The following LRPPRC variants were observed in gnomAD, a reference collection of about 807,000 sequenced individuals.
The protein encoded by LRPPRC is leucine rich pentatricopeptide repeat containing, also known as leucine-rich PPR motif-containing protein, mitochondrial.
In LRPPRC, 120 loss-of-function variants were observed where a neutral mutation model predicts 180.3. The observed-to-expected ratio is 0.67, with a 90% CI of 0.57 to 0.77. The LOEUF (loss-of-function observed/expected upper bound fraction) is 0.77. LRPPRC is among the 30% of genes least tolerant of loss of function. The probability of loss-of-function intolerance (pLI) is 0.00; values close to 1 mark genes in which losing one functional copy is unlikely to be tolerated. For missense variants in LRPPRC, 2,012 were observed against 1,657.2 expected (o/e 1.21, Z -3.72); for synonymous variants, 723 against 600.0 (o/e 1.21, Z -3.00).
At chr2:43,985,454 C>A (rs543788639) in intron 1 of LRPPRC, among the ~76,000 whole-genome samples, 1 of 152,138 alleles carries the variant, frequency 6.6e-6, no homozygotes, top group East Asian at 1.9e-4. Flanking sequence ...AATAATTTCA[C>A]CACCCTAAAA....
chr2:43,894,470 T>G, intron 36 of LRPPRC, 75 bp downstream of exon 36: 1 of 779,878 alleles, frequency 1.3e-6, no homozygotes. Context: ...ATACTACAAG[T>G]CATTTACATG....
chr2:43,973,810 G>C lies in LRPPRC; in HGVS notation c.1246C>G (p.Leu416Val), dbSNP rs1023589803. 1 of 1,613,232 alleles carries C rather than the reference G, an allele frequency of 6.2e-7. No individual in the cohort carries two copies. The highest frequency in any genetic ancestry group is 1.3e-5 in the African/African-American group (1 of 74,918). Reference sequence around the variant, plus strand: ...AATGTAGTACCAGTTTTATTGGCGAGTAAAGCACAATGGAGGGTGAACTGC... The same window carrying C: ...AATGTAGTACCAGTTTTATTGGCGACTAAAGCACAATGGAGGGTGAACTGC... ...PLQFTLHCAL[L>V]ANKTDLAKAL... The change falls in exon 10 of 38, where the codon CTC becomes GTC. Residue 416 changes from leucine to valine, a missense_variant. By Grantham distance (32) the Leu-to-Val change is conservative. Coordinates refer to ENST00000260665, the MANE Select transcript of LRPPRC (RefSeq NM_133259.4).
chr2:43,947,113 G>C, intron 20 of LRPPRC, 144 bp downstream of exon 20: 2 of 564,226 alleles, frequency 3.5e-6, no homozygotes, highest in Non-Finnish European at 6.2e-6. Context: ...GCTGAAATTA[G>C]TTAACCTTTC....
chr2:43,975,100 A>G lies in LRPPRC; in HGVS notation c.855T>C (p.His285=), dbSNP rs1426820399. 2 of 1,613,106 alleles carry G rather than the reference A, an allele frequency of 1.2e-6. No homozygotes were observed. The highest frequency in any genetic ancestry group is 1.7e-6 in the Non-Finnish European group (2 of 1,179,852). ...NAYAEKGDID[H]VKQTLEKVEK... The stretch of plus-strand genomic sequence containing the variant: ...TAGACATAAGTCATACCTGCTTAAC[A>G]TGGTCAATGTCGCCCTTCTCAGCAT... Residue 285 remains histidine, a synonymous_variant, in exon 7 of 38, where the codon CAT becomes CAC. Coordinates refer to ENST00000260665, the MANE Select transcript of LRPPRC (RefSeq NM_133259.4).
At chr2:43,910,239 C>CTT (rs60273880) in intron 30 of LRPPRC, among the ~76,000 whole-genome samples, 31,436 of 146,260 alleles carry the variant, frequency 0.21, 3,807 homozygotes, top group African/African-American at 0.33. Context: ...ATCTCTCTCC[C>CTT]TTTTTTTTTT....
At chr2:43,940,305 T>C (rs1672432768) in intron 23 of LRPPRC, among the ~76,000 whole-genome samples, 2 of 152,164 alleles carry the variant, frequency 1.3e-5, no homozygotes, top group African/African-American at 2.4e-5. Flanking sequence ...CCAGTACAAA[T>C]GAAGATGCTA....
At chr2:43,943,981 G>A in intron 22 of LRPPRC, 87 bp from the exon 23 acceptor site, 1 of 930,580 alleles carries the variant, frequency 1.1e-6, no homozygotes, top group Non-Finnish European at 1.7e-6. Context: ...AGCCCAGCAG[G>A]AATGTAAATT....
At position 43,993,423 on chromosome 2, in the gene LRPPRC, T is replaced by C. The variant is rs185424823; in HGVS notation, c.149+2376A>G. 5.2e-4 allele frequency among the ~76,000 whole-genome samples: 79 copies of C among 152,204 alleles called. 1 individual carries two copies. The highest frequency in any genetic ancestry group is 1.8e-3 in the African/African-American group (76 of 41,538). On this transcript the variant is annotated intron_variant, in intron 1 of 37. Coordinates refer to ENST00000260665, the MANE Select transcript of LRPPRC (RefSeq NM_133259.4). ...TACAATAAAAAAATCAATAAGATAA[T>C]AATGGCCTTTGACAGCGGTGTGACT...
chr2:43,965,286 C>T (rs1307235242), intron 11 of LRPPRC, among the ~76,000 whole-genome samples: 1 of 152,188 alleles, frequency 6.6e-6, no homozygotes, highest in African/African-American at 2.4e-5. Context: ...GTCTTGAACC[C>T]CTGACCTCGT....
chr2:43,973,860 T>TC lies in LRPPRC; in HGVS notation c.1195dup (p.Glu399GlyfsTer21). The TC allele has an allele frequency of 6.2e-7, 1 of 1,613,668 alleles. No homozygotes were observed. Among genetic ancestry groups the TC allele is most frequent in the South Asian group, 1.1e-5 (1 of 91,082 alleles). On this transcript the variant is annotated frameshift_variant, in exon 10 of 38. Coordinates refer to ENST00000260665, the MANE Select transcript of LRPPRC (RefSeq NM_133259.4). LOFTEE classifies it high-confidence loss of function. ...CAGAGGAAAGGAGTGCATCTGGACT[T>TC]CCTTTAACTTCTTACAGTAGTCTGT...
chr2:43,956,356 T>C (rs192306793), intron 14 of LRPPRC, among the ~76,000 whole-genome samples: 31 of 152,330 alleles, frequency 2.0e-4, no homozygotes, highest in African/African-American at 7.2e-4. Context: ...TTGTTAATTT[T>C]TTCAGAGTGA....
Position 43,901,482 on chromosome 2 carries a change from G to A in LRPPRC, c.3407C>T (p.Thr1136Ile), listed in dbSNP as rs761447503. 6.2e-7 allele frequency: 1 copy of A among 1,613,962 alleles called. No homozygotes were observed. Among genetic ancestry groups the A allele is most frequent in the Middle Eastern group, 1.6e-4 (1 of 6,062 alleles). The change falls in exon 32 of 38, where the codon ACC (threonine) becomes ATC (isoleucine). Residue 1136 changes from threonine (T) to isoleucine (I), a missense_variant. By Grantham distance (89) the Thr-to-Ile change is moderately conservative. Coordinates refer to ENST00000260665, the MANE Select transcript of LRPPRC (RefSeq NM_133259.4). ...TLKTVLDQQQ[T>I]PSRLAVTRVI... ...ACGGGTCACTGCTAACCTAGAAGGGGTCTGCTGCTGATCCAATACTGTTTT... is the reference window on the plus strand; with the variant it reads ...ACGGGTCACTGCTAACCTAGAAGGGATCTGCTGCTGATCCAATACTGTTTT...
chr2:43,990,572 C>G (rs1225340363), intron 1 of LRPPRC, among the ~76,000 whole-genome samples: 2 of 152,184 alleles, frequency 1.3e-5, no homozygotes, highest in African/African-American at 4.8e-5. Context: ...ACGGGATAAA[C>G]GGCCTCCAAG....
At chr2:43,973,936 C>T (rs1673934288) in intron 9 of LRPPRC, 36 bp from the exon 10 acceptor site, 2 of 1,281,726 alleles carry the variant, frequency 1.6e-6, no homozygotes, top group South Asian at 1.2e-5. Context: ...GCTGGATTGG[C>T]AAACACCCCA....
At chr2:43,926,023 C>T in intron 25 of LRPPRC, 62 bp from the exon 26 acceptor site, 1 of 975,928 alleles carries the variant, frequency 1.0e-6, no homozygotes, top group Non-Finnish European at 1.7e-6. Flanking sequence ...TTATTTTTTT[C>T]CTCAAAGACA....
rs1671830566 is a variant in LRPPRC, at chr2:43,925,125, T to C, written c.2838A>G (p.Thr946=). Residue 946 remains threonine, a synonymous_variant, in exon 27 of 38, where the codon ACA becomes ACG. Coordinates refer to ENST00000260665, the MANE Select transcript of LRPPRC (RefSeq NM_133259.4). ...CTCTATCACATTCAAATAGCTTCTG[T>C]GTCAGCTCCACTAATTTTTCCAGAG... ...VETLEKLVEL[T]QKLFECDRDQ... 1 of 1,602,102 alleles carries C rather than the reference T, an allele frequency of 6.2e-7. No homozygotes were observed. The highest frequency in any genetic ancestry group is 1.7e-4 in the Middle Eastern group (1 of 6,040).
chr2:43,939,724 T>C (rs1259695904), intron 23 of LRPPRC, among the ~76,000 whole-genome samples: 2 of 152,150 alleles, frequency 1.3e-5, no homozygotes, highest in Non-Finnish European at 1.5e-5. Context: ...TTACAACTAA[T>C]CCTCCCCAAA....
chr2:43,985,282 CT>C (rs1357775646), intron 1 of LRPPRC, among the ~76,000 whole-genome samples: 1 of 152,122 alleles, frequency 6.6e-6, no homozygotes, highest in South Asian at 2.1e-4. Context: ...CCCATTTCCC[CT>C]AGTAACATTT....
chr2:43,985,188 C>T (rs1400661989), intron 1 of LRPPRC, among the ~76,000 whole-genome samples: 1 of 151,888 alleles, frequency 6.6e-6, no homozygotes, highest in Non-Finnish European at 1.5e-5. Flanking sequence ...CAGAGACTGA[C>T]TAGAAAAAAA....
Sources: gnomAD v4.1 joint callset for allele counts (sites outside exome capture counted in the v4.1 genomes callset) on GRCh38, gnomAD v4.1.1 for gene constraint, MANE v1.5 for transcripts, NCBI Gene and HGNC (gene_info 2026-07-23, HGNC 2026-07-21) for gene names.